ARHGAP35: variants seen among roughly 807,000 people sequenced by gnomAD.
ARHGAP35 encodes Rho GTPase activating protein 35.
In ARHGAP35, 15 loss-of-function variants were observed where a neutral mutation model predicts 111.1. The ratio of observed to expected loss-of-function variants is 0.13; its 90% confidence interval spans 0.09 to 0.21. The LOEUF (loss-of-function observed/expected upper bound fraction) is 0.21. Among genes scored for constraint, ARHGAP35 ranks in the 10% least tolerant of loss-of-function variants. The probability of loss-of-function intolerance (pLI) is 1.00; values close to 1 mark genes in which losing one functional copy is unlikely to be tolerated. For missense variants in ARHGAP35, 1,262 were observed against 1,873.0 expected, an observed-to-expected ratio of 0.67 and a Z score of 6.02; for synonymous variants, 643 against 710.3, an observed-to-expected ratio of 0.91 and a Z score of 1.51.
chr19:46,988,150 C>G lies in ARHGAP35; in HGVS notation c.3904+84C>G. 1 of 1,324,384 alleles carries G rather than the reference C, an allele frequency of 7.6e-7. No individual in the cohort carries two copies. Among genetic ancestry groups the G allele is most frequent in the Non-Finnish European group, 1.1e-6 (1 of 941,182 alleles). The allele number at this position is 1,324,384 out of a possible 1,614,324, so 82.0% of individuals were successfully genotyped here. ...CCTCGGTGAACTGTCTGTGGGGCTTCGGAGCACTCCTGCCAGCACAGACCC... is the reference window on the plus strand; with the variant it reads ...CCTCGGTGAACTGTCTGTGGGGCTTGGGAGCACTCCTGCCAGCACAGACCC... On this transcript the variant is annotated intron_variant, in intron 4 of 6. Transcript: ENST00000672722. The surrounding 1 kb of genome is among the most constrained non-coding windows in gnomAD (Gnocchi z 5.4).
In ARHGAP35 at chr19:46,919,824, T is replaced by G. The variant is rs1163662370; in HGVS notation, c.1149T>G (p.Leu383=). Residue 383 remains leucine (L), a synonymous_variant, in exon 2 of 7, where the codon CTT becomes CTG. Coordinates refer to ENST00000672722, the MANE Select transcript of ARHGAP35 (RefSeq NM_004491.5). The surrounding 1 kb of genome is among the most constrained non-coding windows in gnomAD (Gnocchi z 6.2). ...KPEFLKWFVV[L]EETPWDATSH... ...AATTCTTGAAGTGGTTTGTTGTGCT[T>G]GAAGAGACCCCATGGGATGCCACCA... 1.2e-6 allele frequency: 2 copies of G among 1,613,882 alleles called. No individual in the cohort carries two copies. Among genetic ancestry groups the G allele is most frequent in the East Asian group, 4.5e-5 (2 of 44,904 alleles).
At chr19:46,952,059 C>G (rs1240218976) in intron 3 of ARHGAP35, among the ~76,000 whole-genome samples, 1 of 152,180 alleles carries the variant, frequency 6.6e-6, no homozygotes, top group African/African-American at 2.4e-5. Flanking sequence ...TTCAAAATAA[C>G]TGCAAGATGT....
intron 1 of ARHGAP35, among the ~76,000 whole-genome samples, chr19:46,893,030 T>C (rs1466381944): frequency 6.6e-6 from 1 of 152,176 alleles, no homozygotes; most frequent in Non-Finnish European, 1.5e-5. Flanking sequence ...GTCATGGTCC[T>C]TTGCACATGG....
At chr19:46,934,624 C>T (rs2056293922) in intron 2 of ARHGAP35, among the ~76,000 whole-genome samples, 2 of 152,080 alleles carry the variant, frequency 1.3e-5, no homozygotes, top group African/African-American at 4.8e-5. Flanking sequence ...GCCTTGCCCT[C>T]CCAAAGTGCT....
intron 3 of ARHGAP35, among the ~76,000 whole-genome samples, chr19:46,957,481 T>C (rs962022569): frequency 1.3e-5 from 2 of 151,824 alleles, no homozygotes; most frequent in Non-Finnish European, 2.9e-5. Context: ...GGCATGGTAG[T>C]ATGTGCCTGC....
intron 3 of ARHGAP35, among the ~76,000 whole-genome samples, chr19:46,967,827 C>T (rs969358231): frequency 3.3e-5 from 5 of 152,214 alleles, no homozygotes; most frequent in African/African-American, 9.6e-5. Context: ...TGTTCCACTT[C>T]GAGACTCCCT....
chr19:46,963,360 G>A (rs190209457), intron 3 of ARHGAP35, among the ~76,000 whole-genome samples: 91 of 152,326 alleles, frequency 6.0e-4, no homozygotes, highest in Non-Finnish European at 1.1e-3. Context: ...TGCCTTAAAA[G>A]TGGGCACTCT....
intron 3 of ARHGAP35, among the ~76,000 whole-genome samples, chr19:46,964,067 C>T (rs992556657): frequency 6.6e-5 from 10 of 151,928 alleles, no homozygotes; most frequent in Non-Finnish European, 1.5e-4. Context: ...GGGGTTTCAC[C>T]ATGTTGGCCA....
chr19:46,958,459 T>C (rs1340980265), intron 3 of ARHGAP35, among the ~76,000 whole-genome samples: 2 of 152,158 alleles, frequency 1.3e-5, no homozygotes, highest in Non-Finnish European at 2.9e-5. Flanking sequence ...GAAGATTCCT[T>C]CCTAGTCTAA....
intron 3 of ARHGAP35, among the ~76,000 whole-genome samples, chr19:46,966,875 A>C (rs1021883688): frequency 2.6e-5 from 4 of 152,154 alleles, no homozygotes; most frequent in African/African-American, 9.7e-5. Context: ...ATGAGGCTGC[A>C]GGGGTTAGTG....
intron 1 of ARHGAP35, among the ~76,000 whole-genome samples, chr19:46,912,124 A>AGCTGG: frequency 6.6e-6 from 1 of 151,016 alleles, no homozygotes; most frequent in East Asian, 2.0e-4. Flanking sequence ...GCTCACTGCA[A>AGCTGG]CCTCTGCCTC....
chr19:46,983,926 A>T (rs2122327371), intron 3 of ARHGAP35, among the ~76,000 whole-genome samples: 1 of 152,128 alleles, frequency 6.6e-6, no homozygotes, highest in African/African-American at 2.4e-5. Context: ...TGTAATTCCC[A>T]TTCTTGATTG....
At chr19:46,960,110 CAA>C (rs1034379133) in intron 3 of ARHGAP35, among the ~76,000 whole-genome samples, 15 of 57,614 alleles carry the variant, frequency 2.6e-4, no homozygotes, top group East Asian at 4.5e-4. Context: ...ACCTGTCTCA[CAA>C]AAAAAAAAAA....
chr19:46,869,734 G>T (rs79564482), intron 1 of ARHGAP35, among the ~76,000 whole-genome samples: 1 of 151,996 alleles, frequency 6.6e-6, no homozygotes, highest in Non-Finnish European at 1.5e-5. Flanking sequence ...ATTAATACAA[G>T]ATTATTAGAT....
intron 3 of ARHGAP35, among the ~76,000 whole-genome samples, chr19:46,958,357 C>A (rs2122263045): frequency 6.6e-6 from 1 of 151,168 alleles, no homozygotes; most frequent in East Asian, 2.0e-4. Context: ...TGCACTCCAG[C>A]CTGGGCGACA....
At position 46,910,397 on chromosome 19, in the gene ARHGAP35, C is replaced by T. The variant is rs2056131511; in HGVS notation, c.-188-8091C>T. On this transcript the variant is annotated intron_variant, in intron 1 of 6. Coordinates refer to ENST00000672722, the MANE Select transcript of ARHGAP35 (RefSeq NM_004491.5). ...CATCTGCCTCCTGGGTTCAAGCCAT[C>T]CTCCCACCTCAGCCTCCTGAGTAGC... Among the ~76,000 whole-genome samples the T allele has an allele frequency of 3.9e-5, 6 of 152,016 alleles. No individual in the cohort carries two copies. The South Asian group carries it at 1.2e-3, about 32-fold the overall frequency.
At chr19:46,974,817 C>A (rs2056570874) in intron 3 of ARHGAP35, among the ~76,000 whole-genome samples, 1 of 152,156 alleles carries the variant, frequency 6.6e-6, no homozygotes, top group Non-Finnish European at 1.5e-5. Context: ...ATATCCTGCA[C>A]TATCTAGGGG....
chr19:46,927,767 G>A (rs1423846178), intron 2 of ARHGAP35, among the ~76,000 whole-genome samples: 1 of 152,140 alleles, frequency 6.6e-6, no homozygotes, highest in Non-Finnish European at 1.5e-5. Context: ...AAGGCTCAGA[G>A]AGATTAAACC....
chr19:46,875,000 C>T (rs1412921116), intron 1 of ARHGAP35, among the ~76,000 whole-genome samples: 1 of 151,492 alleles, frequency 6.6e-6, no homozygotes, highest in African/African-American at 2.4e-5. Context: ...TTAGTAGAGA[C>T]GGGGTTTCAC....
Sources: gnomAD v4.1 joint callset for allele counts (sites outside exome capture counted in the v4.1 genomes callset) on GRCh38, gnomAD v4.1.1 for gene constraint, Gnocchi (gnomAD v3.1) non-coding constraint, MANE v1.5 for transcripts, NCBI Gene and HGNC (gene_info 2026-07-23, HGNC 2026-07-21) for gene names.